Variants in SLC10A7 observed in about 807,000 individuals in gnomAD.
The protein encoded by SLC10A7 is sodium/bile acid cotransporter 7.
Under a neutral mutation model 43.2 loss-of-function variants are expected in SLC10A7, and 29 were observed. The observed-to-expected ratio is 0.67, with a 90% CI of 0.50 to 0.92. SLC10A7 has a LOEUF of 0.92. Ranked by LOEUF, SLC10A7 falls within the 40% of genes least tolerant of loss-of-function variation. SLC10A7 has a pLI of 0.00. For missense variants in SLC10A7, 295 were observed against 403.2 expected (o/e 0.73, Z 2.30); for synonymous variants, 152 against 144.8 (o/e 1.05, Z -0.35).
chr4:146,298,780 A>C (rs1314968105), intron 7 of SLC10A7, among the ~76,000 whole-genome samples: 1 of 152,198 alleles, frequency 6.6e-6, no homozygotes, highest in Non-Finnish European at 1.5e-5. Context: ...ACAATCTCCT[A>C]ACCATCTATG....
At chr4:146,464,435 C>T (rs1419052005) in intron 4 of SLC10A7, among the ~76,000 whole-genome samples, 4 of 151,984 alleles carry the variant, frequency 2.6e-5, no homozygotes, top group Non-Finnish European at 5.9e-5. Context: ...ACTAGGAATA[C>T]ATAATGCTTC....
At chr4:146,519,100 T>A (rs1474946770) in intron 1 of SLC10A7, among the ~76,000 whole-genome samples, 7 of 33,378 alleles carry the variant, frequency 2.1e-4, no homozygotes, top group East Asian at 2.8e-3. Context: ...TATATATATA[T>A]ATATATATAT....
intron 5 of SLC10A7, among the ~76,000 whole-genome samples, chr4:146,402,122 G>A (rs551923015): frequency 6.6e-6 from 1 of 152,290 alleles, no homozygotes; most frequent in South Asian, 2.1e-4. Context: ...TACACTTATT[G>A]CTACTGGAGT....
intron 5 of SLC10A7, among the ~76,000 whole-genome samples, chr4:146,345,247 G>C (rs375998591): frequency 6.6e-6 from 1 of 152,084 alleles, no homozygotes; most frequent in Non-Finnish European, 1.5e-5. Flanking sequence ...GCAAATGCTC[G>C]TTTCTAAATT....
At chr4:146,475,504 C>G (rs77299515) in intron 4 of SLC10A7, among the ~76,000 whole-genome samples, 7,598 of 152,264 alleles carry the variant, frequency 0.05, 258 homozygotes, top group South Asian at 0.18. Context: ...CCCCAAACAT[C>G]CTTGCCTTCC....
In SLC10A7 at chr4:146,493,304, T is replaced by C. The variant is rs76991724; in HGVS notation, c.396+10545A>G. 1.3e-3 allele frequency among the ~76,000 whole-genome samples: 194 copies of C among 152,338 alleles called. 2 individuals are homozygous for C. In the South Asian group the frequency reaches 0.025, roughly 19 times the overall value. ...GGAAGCCTGATATTTAAAATATAAC[T>C]AATCAAAATAAACCAAATTATCAAA... On this transcript the variant is annotated intron_variant, in intron 4 of 11. Transcript: ENST00000335472.
intron 5 of SLC10A7, among the ~76,000 whole-genome samples, chr4:146,375,862 A>G (rs1737157923): frequency 1.3e-5 from 2 of 152,130 alleles, no homozygotes; most frequent in Middle Eastern, 3.2e-3. Flanking sequence ...CACAGGTTGA[A>G]GGCTCAGTCC....
At chr4:146,274,909 C>T (rs371958263) in intron 10 of SLC10A7, among the ~76,000 whole-genome samples, 9 of 152,216 alleles carry the variant, frequency 5.9e-5, no homozygotes, top group East Asian at 1.9e-4. Context: ...AACAACCAAC[C>T]ACCCAGAGTT....
At chr4:146,322,813 G>A (rs1022305101) in intron 6 of SLC10A7, among the ~76,000 whole-genome samples, 1 of 152,150 alleles carries the variant, frequency 6.6e-6, no homozygotes, top group Admixed American at 6.5e-5. Flanking sequence ...TTCCACAATG[G>A]TTGAACTAGT....
chr4:146,270,946 T>A (rs556029996), intron 10 of SLC10A7, among the ~76,000 whole-genome samples: 1 of 152,372 alleles, frequency 6.6e-6, no homozygotes, highest in Admixed American at 6.5e-5. Context: ...TGTGATTTAA[T>A]GTTCACTTCA....
chr4:146,481,000 T>C (rs1203587731), intron 4 of SLC10A7, among the ~76,000 whole-genome samples: 5 of 152,096 alleles, frequency 3.3e-5, no homozygotes, highest in Non-Finnish European at 7.4e-5. Context: ...TCAGGTCTCC[T>C]GTACACCAGA....
chr4:146,491,662 G>A (rs1017667889), intron 4 of SLC10A7, among the ~76,000 whole-genome samples: 1 of 143,252 alleles, frequency 7.0e-6, no homozygotes, highest in African/African-American at 2.6e-5. Context: ...GAAGGAGGGA[G>A]AGAGGGAGGG....
chr4:146,519,233 TTATA>T (rs1479917330), intron 1 of SLC10A7, among the ~76,000 whole-genome samples: 2 of 140,244 alleles, frequency 1.4e-5, no homozygotes, highest in Non-Finnish European at 3.1e-5. Context: ...AGAATATATA[TTATA>T]TATAATAATA....
intron 4 of SLC10A7, among the ~76,000 whole-genome samples, chr4:146,466,043 G>A (rs1732999068): frequency 6.6e-6 from 1 of 151,634 alleles, no homozygotes. Context: ...ATGTGTTTTA[G>A]AAAAAAAAGT....
intron 5 of SLC10A7, among the ~76,000 whole-genome samples, chr4:146,370,048 A>G (rs1456722396): frequency 6.6e-6 from 1 of 152,200 alleles, no homozygotes; most frequent in Non-Finnish European, 1.5e-5. Context: ...AGAAGCTGAA[A>G]GTAAAAAAAA....
intron 7 of SLC10A7, among the ~76,000 whole-genome samples, chr4:146,301,252 A>G (rs1731142094): frequency 1.3e-5 from 2 of 152,324 alleles, no homozygotes; most frequent in South Asian, 4.1e-4. Context: ...CACCTCTGTA[A>G]CAAGTCTTCA....
intron 5 of SLC10A7, among the ~76,000 whole-genome samples, chr4:146,366,136 C>T (rs867619757): frequency 5.3e-5 from 8 of 152,172 alleles, no homozygotes; most frequent in South Asian, 2.1e-4. Flanking sequence ...TCTACAAAAC[C>T]GGTCTAACTG....
intron 5 of SLC10A7, among the ~76,000 whole-genome samples, chr4:146,379,667 A>G (rs1156987083): frequency 6.6e-6 from 1 of 152,172 alleles, no homozygotes; most frequent in Non-Finnish European, 1.5e-5. Context: ...TAAATCATCA[A>G]TGTCAATATT....
chr4:146,400,227 G>A (rs1163173912), intron 5 of SLC10A7, among the ~76,000 whole-genome samples: 1 of 152,130 alleles, frequency 6.6e-6, no homozygotes, highest in Non-Finnish European at 1.5e-5. Flanking sequence ...AATCACCACT[G>A]GATTTGGAAG....
Sources: allele counts gnomAD v4.1 joint callset (sites outside exome capture counted in the v4.1 genomes callset), GRCh38; gene constraint gnomAD v4.1.1; transcripts MANE v1.5; gene names NCBI Gene and HGNC (gene_info 2026-07-23, HGNC 2026-07-21).